The following STPG2 variants were observed in gnomAD, a reference collection of about 807,000 sequenced individuals.
STPG2 encodes sperm tail PG-rich repeat containing 2.
STPG2 carries 56 observed loss-of-function variants against 54.2 expected under a neutral mutation model. That is an observed-to-expected ratio of 1.03 (90% CI 0.83 to 1.29). STPG2 has a LOEUF of 1.29. Among genes scored for constraint, STPG2 ranks in the 50% most tolerant of loss-of-function variants. The pLI, the probability that STPG2 is intolerant of heterozygous loss-of-function variation, is 0.00. For missense variants in STPG2, 596 were observed against 544.9 expected (o/e 1.09, Z -0.93); for synonymous variants, 200 against 181.8 (o/e 1.10, Z -0.81).
intron 8 of STPG2, among the ~76,000 whole-genome samples, chr4:97,914,036 T>C (rs1471253069): frequency 6.6e-6 from 1 of 152,174 alleles, no homozygotes; most frequent in Non-Finnish European, 1.5e-5. Context: ...ATTTCTACGA[T>C]ACGTAACAGC....
chr4:97,470,930 G>A (rs1441708871), intron 4 of STPG2, among the ~76,000 whole-genome samples: 2 of 152,080 alleles, frequency 1.3e-5, no homozygotes, highest in Non-Finnish European at 2.9e-5. Context: ...GTCAGATTGG[G>A]GATCATCTGC....
chr4:97,506,345 G>A (rs999001165), intron 4 of STPG2, among the ~76,000 whole-genome samples: 4 of 151,972 alleles, frequency 2.6e-5, no homozygotes, highest in African/African-American at 9.7e-5. Flanking sequence ...AAGGCTTACA[G>A]CTGGGACATG....
At chr4:97,697,445 T>C (rs1442199372) in intron 10 of STPG2, among the ~76,000 whole-genome samples, 2 of 152,198 alleles carry the variant, frequency 1.3e-5, no homozygotes, top group Non-Finnish European at 1.5e-5. Flanking sequence ...CCCATTACAA[T>C]GGATAAAAAC....
intron 9 of STPG2, among the ~76,000 whole-genome samples, chr4:97,774,560 G>A (rs1399211402): frequency 2.0e-5 from 3 of 151,966 alleles, no homozygotes; most frequent in Admixed American, 2.0e-4. Context: ...GTAAGGAGTA[G>A]GATGCAAATC....
chr4:97,939,072 A>G (rs1297042285), intron 8 of STPG2, among the ~76,000 whole-genome samples: 2 of 152,000 alleles, frequency 1.3e-5, no homozygotes, highest in East Asian at 3.9e-4. Context: ...TTTACCCAAA[A>G]GTCATTCAGA....
chr4:97,975,490 G>C (rs1734468374), intron 6 of STPG2, among the ~76,000 whole-genome samples: 1 of 152,046 alleles, frequency 6.6e-6, no homozygotes, highest in African/African-American at 2.4e-5. Flanking sequence ...TGGTAGTTCT[G>C]AGTGAATTTA....
intron 10 of STPG2, among the ~76,000 whole-genome samples, chr4:97,637,516 T>C (rs1721598727): frequency 2.0e-5 from 3 of 152,060 alleles, no homozygotes; most frequent in Admixed American, 1.3e-4. Context: ...GAGAAGGAAA[T>C]AAAGGGTATT....
At chr4:97,739,926 A>G (rs1206413234) in intron 9 of STPG2, among the ~76,000 whole-genome samples, 1 of 152,004 alleles carries the variant, frequency 6.6e-6, no homozygotes, top group Non-Finnish European at 1.5e-5. Flanking sequence ...AGAATTTTAG[A>G]CCAATATCCT....
Position 98,050,931 on chromosome 4 carries a change from G to A in STPG2, c.612+55022C>T, listed in dbSNP as rs533616809. Among the ~76,000 whole-genome samples the A allele has an allele frequency of 3.9e-5, 6 of 152,032 alleles. No individual in the cohort carries two copies. In the South Asian group the frequency reaches 1.3e-3, roughly 32 times the overall value. ...GAGGCAGGAGAATGGCATGAACCTG[G>A]GAGGCGGAGCTTGCAGTGAGCCGAG... On this transcript the variant is annotated intron_variant, in intron 5 of 10. Transcript: ENST00000295268.
At chr4:97,574,024 C>T (rs913607574) in intron 10 of STPG2, among the ~76,000 whole-genome samples, 1 of 152,004 alleles carries the variant, frequency 6.6e-6, no homozygotes, top group Non-Finnish European at 1.5e-5. Context: ...AGTTTTCTTA[C>T]GGATCTGAAG....
chr4:98,081,477 T>A (rs541132738), intron 5 of STPG2, among the ~76,000 whole-genome samples: 32 of 152,118 alleles, frequency 2.1e-4, no homozygotes, highest in Non-Finnish European at 3.2e-4. Flanking sequence ...AAACAAATTT[T>A]AAAAAAAACT....
intron 10 of STPG2, among the ~76,000 whole-genome samples, chr4:97,573,756 T>G (rs1158959340): frequency 6.6e-6 from 1 of 152,012 alleles, no homozygotes; most frequent in African/African-American, 2.4e-5. Context: ...CATGGCTTAG[T>G]GGAAATTATA....
At chr4:97,751,094 A>C (rs1389908293) in intron 9 of STPG2, among the ~76,000 whole-genome samples, 1 of 151,792 alleles carries the variant, frequency 6.6e-6, no homozygotes, top group Non-Finnish European at 1.5e-5. Context: ...GACCCCAAAT[A>C]AAAACTCTGA....
intron 5 of STPG2, among the ~76,000 whole-genome samples, chr4:98,014,245 A>G (rs1735853171): frequency 1.3e-5 from 2 of 152,140 alleles, no homozygotes; most frequent in African/African-American, 4.8e-5. Flanking sequence ...GTCATTCAGG[A>G]GCAGGTTGTT....
chr4:97,997,458 GA>G (rs1386168032), intron 5 of STPG2, among the ~76,000 whole-genome samples: 1 of 152,132 alleles, frequency 6.6e-6, no homozygotes, highest in Non-Finnish European at 1.5e-5. Flanking sequence ...CAGATCTCAC[GA>G]GAACTCACCC....
At chr4:97,540,470 G>A (rs1283663551) in intron 4 of STPG2, among the ~76,000 whole-genome samples, 2 of 152,138 alleles carry the variant, frequency 1.3e-5, no homozygotes, top group Non-Finnish European at 2.9e-5. Context: ...CTCTGAAATT[G>A]AGGTAATAAT....
At chr4:97,887,974 G>A (rs1730639826) in intron 8 of STPG2, among the ~76,000 whole-genome samples, 1 of 152,186 alleles carries the variant, frequency 6.6e-6, no homozygotes. Context: ...CTGCTTCAGA[G>A]GATTTAAGTC....
At chr4:97,646,733 T>C (rs1441203212) in intron 10 of STPG2, among the ~76,000 whole-genome samples, 1 of 152,158 alleles carries the variant, frequency 6.6e-6, no homozygotes, top group East Asian at 1.9e-4. Context: ...GTAAGTGATA[T>C]ACATTATAGT....
intron 10 of STPG2, among the ~76,000 whole-genome samples, chr4:97,575,096 A>G (rs938086153): frequency 6.6e-6 from 1 of 152,042 alleles, no homozygotes; most frequent in Admixed American, 6.6e-5. Context: ...GAAGAAATCA[A>G]AATGCTGAAC....
Sources: allele counts gnomAD v4.1 joint callset (sites outside exome capture counted in the v4.1 genomes callset), GRCh38; gene constraint gnomAD v4.1.1; transcripts MANE v1.5; gene names NCBI Gene and HGNC (gene_info 2026-07-23, HGNC 2026-07-21).